The following PPP1R1C variants were observed in gnomAD, a reference collection of about 807,000 sequenced individuals.
The protein encoded by PPP1R1C is protein phosphatase 1 regulatory subunit 1C.
In PPP1R1C, 15 loss-of-function variants were observed where a neutral mutation model predicts 17.4. The observed-to-expected ratio is 0.86, with a 90% CI of 0.58 to 1.33. The LOEUF is 1.33. PPP1R1C is among the 40% of genes most tolerant of loss of function. The pLI, the probability that PPP1R1C is intolerant of heterozygous loss-of-function variation, is 0.00. For synonymous variants in PPP1R1C, 35 were observed against 43.1 expected (o/e 0.81, Z 0.73); for missense variants, 143 against 130.0 (o/e 1.10, Z -0.48).
At chr2:181,968,622 T>C (rs1684948816) in intron 1 of PPP1R1C, among the ~76,000 whole-genome samples, 2 of 152,162 alleles carry the variant, frequency 1.3e-5, no homozygotes, top group Admixed American at 6.5e-5. Context: ...GAACAGATAA[T>C]TGGGTCTTGT....
chr2:182,034,138 A>G (rs1221332635), intron 2 of PPP1R1C, among the ~76,000 whole-genome samples: 2 of 152,226 alleles, frequency 1.3e-5, no homozygotes, highest in Non-Finnish European at 2.9e-5. Flanking sequence ...TTGAGTGCCT[A>G]CTATGTCTAG....
chr2:182,041,507 G>A (rs991739374), intron 2 of PPP1R1C, among the ~76,000 whole-genome samples: 6 of 150,976 alleles, frequency 4.0e-5, no homozygotes, highest in Non-Finnish European at 8.8e-5. Flanking sequence ...TACTTGGGAG[G>A]CTAAGGCAGG....
At chr2:182,068,309 TA>T (rs1285910952) in intron 4 of PPP1R1C, among the ~76,000 whole-genome samples, 1 of 152,192 alleles carries the variant, frequency 6.6e-6, no homozygotes, top group African/African-American at 2.4e-5. Flanking sequence ...CTATTTTGAA[TA>T]ATTATTTGAA....
chr2:181,961,633 G>T lies in PPP1R1C; in HGVS notation n.111+6999G>T. 1.3e-6 allele frequency: 1 copy of T among 745,424 alleles called. No individual in the cohort carries two copies. The highest frequency in any genetic ancestry group is 1.8e-5 in the Admixed American group (1 of 56,142). The allele number at this position is 745,424 out of a possible 1,614,324, so 46.2% of individuals were successfully genotyped here. A position where few individuals can be genotyped will look rare whatever the true frequency, so the allele number is the denominator to read the frequency against. ...ATCTCCAACCTTGGTGGACTGCGTA[G>T]TGACCACTGTGGTGCTCTTCTCAAT... On this transcript the variant is annotated intron_variant and non_coding_transcript_variant, in intron 1 of 5. Coordinates refer to the PPP1R1C transcript ENST00000464264. The surrounding 1 kb of genome is among the most constrained non-coding windows in gnomAD (Gnocchi z 5.8).
intron 5 of PPP1R1C, among the ~76,000 whole-genome samples, chr2:182,126,253 C>T (rs1451852511): frequency 6.6e-6 from 1 of 151,928 alleles, no homozygotes; most frequent in Non-Finnish European, 1.5e-5. Flanking sequence ...AGCATGTCTA[C>T]TTATGTTAAA....
chr2:182,087,992 G>A (rs1457074004), intron 4 of PPP1R1C, among the ~76,000 whole-genome samples: 1 of 152,150 alleles, frequency 6.6e-6, no homozygotes, highest in Admixed American at 6.5e-5. Context: ...TGATCCAAAT[G>A]CTGTCACCAT....
intron 2 of PPP1R1C, among the ~76,000 whole-genome samples, chr2:182,047,305 T>C (rs1282124134): frequency 6.6e-6 from 1 of 152,184 alleles, no homozygotes. Context: ...AAGGAATCTA[T>C]AGATCAAAAT....
intron 2 of PPP1R1C, among the ~76,000 whole-genome samples, chr2:182,054,407 A>T (rs1359794819): frequency 6.6e-6 from 1 of 151,588 alleles, no homozygotes; most frequent in Non-Finnish European, 1.5e-5. Flanking sequence ...CACCACAAAG[A>T]TCTCCCTCTT....
chr2:181,995,529 G>A (rs1407708846), intron 2 of PPP1R1C, among the ~76,000 whole-genome samples: 1 of 152,162 alleles, frequency 6.6e-6, no homozygotes, highest in Non-Finnish European at 1.5e-5. Context: ...GAATAAATAG[G>A]TGTCTGCATA....
At chr2:182,076,631 T>C (rs900859882) in intron 4 of PPP1R1C, among the ~76,000 whole-genome samples, 7 of 152,048 alleles carry the variant, frequency 4.6e-5, no homozygotes, top group African/African-American at 1.7e-4. Context: ...CTCCTAACTC[T>C]ACCATTATTC....
intron 2 of PPP1R1C, among the ~76,000 whole-genome samples, chr2:182,044,632 T>G (rs1415943230): frequency 2.6e-5 from 4 of 152,224 alleles, no homozygotes. Flanking sequence ...GTGCTTCGTC[T>G]GTTGCAGCAC....
intron 2 of PPP1R1C, among the ~76,000 whole-genome samples, chr2:182,019,297 C>T (rs1465621961): frequency 6.6e-6 from 1 of 152,154 alleles, no homozygotes; most frequent in African/African-American, 2.4e-5. Flanking sequence ...GTGGGCCCTC[C>T]AGCCCCATGC....
chr2:182,122,743 ATT>A (rs1689764723), downstream of PPP1R1C, among the ~76,000 whole-genome samples: 1 of 152,198 alleles, frequency 6.6e-6, no homozygotes. Context: ...AAGAAAAAAT[ATT>A]GTTAGATAAA....
chr2:182,013,941 G>T (rs757682977), intron 2 of PPP1R1C, among the ~76,000 whole-genome samples: 6 of 152,062 alleles, frequency 3.9e-5, no homozygotes, highest in Non-Finnish European at 8.8e-5. Context: ...TTCCTTTTCT[G>T]TGTTATCTTG....
At chr2:182,045,874 A>G (rs1180980743) in intron 2 of PPP1R1C, among the ~76,000 whole-genome samples, 1 of 152,200 alleles carries the variant, frequency 6.6e-6, no homozygotes, top group Non-Finnish European at 1.5e-5. Flanking sequence ...GAAAAGCTTC[A>G]AAATTATCAA....
intron 4 of PPP1R1C, among the ~76,000 whole-genome samples, chr2:182,091,633 G>A (rs900122787): frequency 3.6e-4 from 55 of 152,252 alleles, no homozygotes; most frequent in African/African-American, 9.4e-4. Context: ...ATACAAAGAA[G>A]TTCTACAAAA....
intron 2 of PPP1R1C, among the ~76,000 whole-genome samples, chr2:181,988,278 T>G (rs1235836175): frequency 6.6e-6 from 1 of 152,216 alleles, no homozygotes; most frequent in East Asian, 1.9e-4. Flanking sequence ...CTTTACAGAG[T>G]AAGTTTTTTA....
intron 2 of PPP1R1C, among the ~76,000 whole-genome samples, chr2:182,039,601 T>G (rs1687120197): frequency 6.6e-6 from 1 of 152,162 alleles, no homozygotes; most frequent in African/African-American, 2.4e-5. Flanking sequence ...CCCAAGCTGG[T>G]CTTGAACTCC....
Position 181,962,503 on chromosome 2 carries a change from G to A in PPP1R1C, n.111+7869G>A, listed in dbSNP as rs1229020630. 4.5e-6 allele frequency: 3 copies of A among 668,854 alleles called. No individual in the cohort carries two copies. Among genetic ancestry groups the A allele is most frequent in the African/African-American group, 3.6e-5 (2 of 55,458 alleles). The allele number at this position is 668,854 out of a possible 1,614,324, so 41.4% of individuals were successfully genotyped here. A position where few individuals can be genotyped will look rare whatever the true frequency, so the allele number is the denominator to read the frequency against. Reference sequence around the variant, plus strand: ...TGCTATCCAGGGAGGAGAGTGAGAGGACAGGACTCAGGCTTTGCCGACCCG... The same window carrying A: ...TGCTATCCAGGGAGGAGAGTGAGAGAACAGGACTCAGGCTTTGCCGACCCG... On this transcript the variant is annotated intron_variant and non_coding_transcript_variant, in intron 1 of 5. Transcript: ENST00000464264. The surrounding 1 kb of genome is among the most constrained non-coding windows in gnomAD (Gnocchi z 6.0).
Sources: gnomAD v4.1 joint callset for allele counts (sites outside exome capture counted in the v4.1 genomes callset) on GRCh38, gnomAD v4.1.1 for gene constraint, Gnocchi (gnomAD v3.1) non-coding constraint, MANE v1.5 for transcripts, NCBI Gene and HGNC (gene_info 2026-07-23, HGNC 2026-07-21) for gene names.